GTF2I: variants seen among roughly 807,000 people sequenced by gnomAD.
GTF2I encodes the protein general transcription factor II-I.
In GTF2I, 12 loss-of-function variants were observed where a neutral mutation model predicts 67.6. That is an observed-to-expected ratio of 0.18 (90% CI 0.11 to 0.29). The LOEUF is 0.29. GTF2I is among the 10% of genes least tolerant of loss of function. The pLI is 1.00. For missense variants in GTF2I, 271 were observed against 580.1 expected (o/e 0.47, Z 5.47); for synonymous variants, 149 against 197.0 (o/e 0.76, Z 2.04).
chr7:74,698,046 C>T (rs1192292200), intron 3 of GTF2I, among the ~76,000 whole-genome samples: 9 of 152,184 alleles, frequency 5.9e-5, no homozygotes, highest in African/African-American at 1.9e-4. Flanking sequence ...AGCTCCACCT[C>T]CCGGGCTCAC....
chr7:74,681,514 G>A (rs1309711706), intron 1 of GTF2I, among the ~76,000 whole-genome samples: 1 of 152,142 alleles, frequency 6.6e-6, no homozygotes, highest in African/African-American at 2.4e-5. Flanking sequence ...TTTTTTGTGT[G>A]TCTGTTTAAT....
At chr7:74,685,238 G>GT (rs1787607016) in intron 1 of GTF2I, among the ~76,000 whole-genome samples, 1 of 152,220 alleles carries the variant, frequency 6.6e-6, no homozygotes, top group Non-Finnish European at 1.5e-5. Context: ...CCGGGCTCCA[G>GT]TAATCCCAGT....
At chr7:74,687,246 G>A (rs1787818227) in intron 1 of GTF2I, among the ~76,000 whole-genome samples, 1 of 151,080 alleles carries the variant, frequency 6.6e-6, no homozygotes, top group South Asian at 2.1e-4. Context: ...TTTTTTTGAG[G>A]CGGAGTCTCA....
chr7:74,681,413 C>T (rs187258787), intron 1 of GTF2I, among the ~76,000 whole-genome samples: 58 of 148,942 alleles, frequency 3.9e-4, no homozygotes, highest in Middle Eastern at 7.0e-3. Flanking sequence ...CTAGCCTGGG[C>T]GATAGAGCAA....
At position 74,689,286 on chromosome 7, in the gene GTF2I, G is replaced by A. The variant is rs1788030366; in HGVS notation, c.99+59G>A. On this transcript the variant is annotated intron_variant, in intron 2 of 34. Transcript: ENST00000573035. ...GTAGGCCTGCACTGTAGATAAGGTT[G>A]ATTTGTTTTTGTGGAAGATAGAATT... 1.1e-5 allele frequency: 8 copies of A among 696,206 alleles called. No homozygotes were observed. In the South Asian group the frequency reaches 1.4e-4, roughly 12 times the overall value. 43.1% of individuals were successfully genotyped at this position (696,206 alleles called of 1,614,324 possible).
At chr7:74,678,864 C>T (rs782294076) in intron 1 of GTF2I, among the ~76,000 whole-genome samples, 10 of 151,746 alleles carry the variant, frequency 6.6e-5, no homozygotes, top group Non-Finnish European at 1.3e-4. Context: ...CTCCGCCTCC[C>T]GGGTTCAAGC....
At chr7:74,718,236 G>A (rs1792506352) in intron 11 of GTF2I, among the ~76,000 whole-genome samples, 2 of 152,080 alleles carry the variant, frequency 1.3e-5, no homozygotes, top group Admixed American at 6.6e-5. Flanking sequence ...ATAATCTTTG[G>A]CAAATCAATT....
chr7:74,712,240 C>G (rs868962972), intron 9 of GTF2I, among the ~76,000 whole-genome samples: 7 of 152,164 alleles, frequency 4.6e-5, no homozygotes, highest in Non-Finnish European at 7.4e-5. Context: ...GGCTAACACG[C>G]TTTTTTAAAA....
chr7:74,684,861 C>T (rs1279560347), intron 1 of GTF2I: 1 of 152,080 alleles, frequency 6.6e-6, no homozygotes, highest in Admixed American at 6.6e-5. Flanking sequence ...GGAGGGTGTC[C>T]AATGGAAGAA....
intron 12 of GTF2I, among the ~76,000 whole-genome samples, chr7:74,725,841 CTT>C (rs1793703999): frequency 1.3e-5 from 2 of 148,344 alleles, no homozygotes; most frequent in African/African-American, 2.5e-5. Context: ...GCCTTTTTCT[CTT>C]TCTTTTTTTT....
rs1354497249 is a variant in GTF2I at position 74,753,122 on chromosome 7, T to C, written c.2586T>C (p.Val862=). The change falls in exon 29 of 35, where the codon GTT becomes GTC. Residue 862 remains valine, a synonymous_variant. Transcript: ENST00000573035. ...PDDDNERLSK[V]EKARQLREQV... The stretch of plus-strand genomic sequence containing the variant: ...ATGATAATGAAAGACTCTCGAAAGT[T>C]GAAAAAGCTAGACAGCTAAGAGAAC... 6.2e-7 allele frequency: 1 copy of C among 1,612,994 alleles called. No homozygotes were observed. Among genetic ancestry groups the C allele is most frequent in the African/African-American group, 1.3e-5 (1 of 74,832 alleles).
chr7:74,699,770 A>C (rs1789482929), intron 4 of GTF2I: 1 of 156,158 alleles, frequency 6.4e-6, no homozygotes, highest in African/African-American at 2.4e-5. Context: ...TGGGATTTTC[A>C]GTATGTGTGA....
intron 1 of GTF2I, among the ~76,000 whole-genome samples, chr7:74,658,854 C>A (rs1804201426): frequency 6.6e-6 from 1 of 152,100 alleles, no homozygotes; most frequent in Non-Finnish European, 1.5e-5. Context: ...ACCCAGACGA[C>A]GGGAGTGCAG....
intron 3 of GTF2I, among the ~76,000 whole-genome samples, chr7:74,692,962 A>G (rs1554397435): frequency 6.6e-6 from 1 of 152,050 alleles, no homozygotes; most frequent in Non-Finnish European, 1.5e-5. Flanking sequence ...GGGTTTCTCC[A>G]TGTTGGTCAG....
At chr7:74,665,482 C>G (rs1804896545) in intron 1 of GTF2I, among the ~76,000 whole-genome samples, 1 of 151,872 alleles carries the variant, frequency 6.6e-6, no homozygotes. Context: ...CAACTCTTGA[C>G]CTCAGATGGT....
chr7:74,700,938 C>T (rs782734666), intron 6 of GTF2I, among the ~76,000 whole-genome samples: 61 of 152,160 alleles, frequency 4.0e-4, no homozygotes, highest in Non-Finnish European at 7.5e-4. Flanking sequence ...CGTTGTTGGG[C>T]ACAGCATTGG....
In GTF2I at chr7:74,725,845, CT is replaced by C. The variant is rs782493121; in HGVS notation, c.944-2928del. 5.2e-3 allele frequency among the ~76,000 whole-genome samples: 723 copies of C among 139,512 alleles called. 9 individuals are homozygous for C. The highest frequency in any genetic ancestry group is 0.046 in the East Asian group (221 of 4,824). 91.5% of individuals were successfully genotyped at this position (139,512 alleles called of 152,430 possible). ...CTAGTAGATTTGCCTTTTTCTCTTT[CT>C]TTTTTTTTTTTTGGTTTATGATCGA... On this transcript the variant is annotated intron_variant, in intron 12 of 34. Coordinates refer to ENST00000573035, the MANE Select transcript of GTF2I (RefSeq NM_032999.4).
intron 1 of GTF2I, among the ~76,000 whole-genome samples, chr7:74,671,611 T>G (rs1185569527): frequency 6.6e-6 from 1 of 152,126 alleles, no homozygotes; most frequent in East Asian, 1.9e-4. Context: ...TATTTATTGA[T>G]GTAAGTGCCA....
chr7:74,719,007 C>A, intron 12 of GTF2I, 66 bp downstream of exon 12: 1 of 796,144 alleles, frequency 1.3e-6, no homozygotes, highest in South Asian at 1.7e-5. Context: ...GTCACATTCA[C>A]ATTGCTAAAT....
Sources: gnomAD v4.1 joint callset for allele counts (sites outside exome capture counted in the v4.1 genomes callset) on GRCh38, gnomAD v4.1.1 for gene constraint, MANE v1.5 for transcripts, NCBI Gene and HGNC (gene_info 2026-07-23, HGNC 2026-07-21) for gene names.